The following SENP2 variants were observed in gnomAD, a reference collection of about 807,000 sequenced individuals.
SENP2 encodes the protein sentrin-specific protease 2.
SENP2 carries 16 observed loss-of-function variants against 86.3 expected under a neutral mutation model. The ratio of observed to expected loss-of-function variants is 0.19; its 90% confidence interval spans 0.13 to 0.28. SENP2 has a LOEUF of 0.28. Ranked by LOEUF, SENP2 falls within the 10% of genes least tolerant of loss-of-function variation. The pLI, the probability that SENP2 is intolerant of heterozygous loss-of-function variation, is 1.00. For synonymous variants in SENP2, 222 were observed against 238.7 expected, an observed-to-expected ratio of 0.93 and a Z score of 0.64; for missense variants, 552 against 703.0, an observed-to-expected ratio of 0.79 and a Z score of 2.43.
intron 5 of SENP2, 66 bp from the exon 6 acceptor site, chr3:185,606,264 G>T: frequency 7.0e-7 from 1 of 1,430,000 alleles, no homozygotes; most frequent in Non-Finnish European, 9.5e-7. Context: ...GATGGTCTGG[G>T]AGCTTAGATT....
rs139652446 is a variant in SENP2, at chr3:185,626,303, T to A, written c.1617T>A (p.Ile539=). 1 of 1,605,208 alleles carries A rather than the reference T, an allele frequency of 6.2e-7. No individual in the cohort carries two copies. Among genetic ancestry groups the A allele is most frequent in the African/African-American group, 1.3e-5 (1 of 74,808 alleles). The change falls in exon 16 of 17, where the codon ATT becomes ATA. Residue 539 remains isoleucine, a synonymous_variant. Transcript: ENST00000296257. The part of the protein sequence containing the change: ...WTHHSMKPHE[I]PQQLNGSDCG... The stretch of plus-strand genomic sequence containing the variant: ...TTTTTTCTTTGTAATTTTAGGAGAT[T>A]CCTCAACAGCTGAATGGGAGTGATT...
intron 9 of SENP2, 56 bp downstream of exon 9, chr3:185,612,714 T>C (rs765989907): frequency 1.7e-4 from 216 of 1,283,886 alleles, no homozygotes; most frequent in Non-Finnish European, 2.4e-4. Flanking sequence ...TCTTACTTTA[T>C]AAGCTGTATT....
chr3:185,614,425 G>C (rs1711524786), intron 10 of SENP2, 139 bp from the exon 11 acceptor site: 1 of 827,926 alleles, frequency 1.2e-6, no homozygotes, highest in Admixed American at 3.0e-5. Flanking sequence ...CAGACAGATA[G>C]GGTAAATCTA....
intron 14 of SENP2, among the ~76,000 whole-genome samples, chr3:185,622,639 T>A (rs890773933): frequency 2.0e-5 from 3 of 152,126 alleles, no homozygotes; most frequent in Non-Finnish European, 4.4e-5. Flanking sequence ...GTTTATAAAA[T>A]GGTTCTCTTC....
At chr3:185,617,398 CT>C in intron 11 of SENP2, 81 bp from the exon 12 acceptor site, 1 of 1,270,306 alleles carries the variant, frequency 7.9e-7, no homozygotes, top group South Asian at 1.8e-5. Flanking sequence ...AGATGAAAAA[CT>C]TTTTTCAGTC....
Position 185,606,533 on chromosome 3 carries a change from T to C in SENP2, c.618+35T>C, listed in dbSNP as rs768354591. 5 of 1,512,084 alleles carry C rather than the reference T, an allele frequency of 3.3e-6. No homozygotes were observed. The East Asian group carries it at 1.2e-4, about 35-fold the overall frequency. The allele number at this position is 1,512,084 out of a possible 1,614,324, so 93.7% of individuals were successfully genotyped here. A position where few individuals can be genotyped will look rare whatever the true frequency, so the allele number is the denominator to read the frequency against. ...TTCAGCTTGATTTCTTTAAAAAAAA[T>C]TTTACAGCTCTTCCCAAGGATGCTG... On this transcript the variant is annotated intron_variant, in intron 6 of 16. Coordinates refer to ENST00000296257, the MANE Select transcript of SENP2 (RefSeq NM_021627.3).
At chr3:185,598,306 A>G (rs1722240267) in intron 2 of SENP2, 106 bp from the exon 3 acceptor site, 9 of 1,246,958 alleles carry the variant, frequency 7.2e-6, no homozygotes, top group Non-Finnish European at 1.0e-5. Context: ...ACACCCAGCA[A>G]ATAGAACTTT....
chr3:185,596,559 T>A (rs1722179648), intron 2 of SENP2, among the ~76,000 whole-genome samples: 1 of 151,062 alleles, frequency 6.6e-6, no homozygotes. Flanking sequence ...AGGTTGAGGC[T>A]GCAGTGAGTA....
intron 16 of SENP2, among the ~76,000 whole-genome samples, chr3:185,628,100 G>C (rs547540474): frequency 6.6e-6 from 1 of 152,036 alleles, no homozygotes; most frequent in South Asian, 2.1e-4. Flanking sequence ...AGACTTTTTA[G>C]CCCCCACCCC....
chr3:185,604,400 T>C (rs1278717667), intron 5 of SENP2, among the ~76,000 whole-genome samples: 1 of 152,380 alleles, frequency 6.6e-6, no homozygotes, highest in East Asian at 1.9e-4. Flanking sequence ...ATGCATATTC[T>C]GCTGTTGTTG....
chr3:185,614,551 A>AT lies in SENP2; in HGVS notation c.934-7dup, dbSNP rs767046125. ...CAAACATGTCAGTAGAATTTAGATAATTTTTTGATCAGAGGAGGGGATACC... is the reference window on the plus strand; with the variant it reads ...CAAACATGTCAGTAGAATTTAGATAATTTTTTTGATCAGAGGAGGGGATACC... On this transcript the variant is annotated splice_polypyrimidine_tract_variant and intron_variant, in intron 10 of 16. Coordinates refer to ENST00000296257, the MANE Select transcript of SENP2 (RefSeq NM_021627.3). 4 of 1,587,206 alleles carry AT rather than the reference A, an allele frequency of 2.5e-6. No homozygotes were observed. The highest frequency in any genetic ancestry group is 1.9e-5 in the Admixed American group (1 of 51,444).
intron 2 of SENP2, among the ~76,000 whole-genome samples, chr3:185,590,412 G>A (rs1463243366): frequency 6.6e-6 from 1 of 151,880 alleles, no homozygotes; most frequent in Non-Finnish European, 1.5e-5. Flanking sequence ...GCTTGCTGTG[G>A]TGGCAGGAGC....
chr3:185,626,889 A>G (rs1712170357), intron 16 of SENP2, among the ~76,000 whole-genome samples: 1 of 151,938 alleles, frequency 6.6e-6, no homozygotes, highest in Non-Finnish European at 1.5e-5. Context: ...CAGCCTGACC[A>G]ACATGGAGAA....
rs766556308 is a variant in SENP2, at chr3:185,632,224, G to GTTTTTTTTTTTTTTTT, written c.*2392_*2393insTTTTTTTTTTTTTTTT. 11 of 71,904 alleles carry GTTTTTTTTTTTTTTTT rather than the reference G, an allele frequency of 1.5e-4. 1 individual carries two copies. Among genetic ancestry groups the GTTTTTTTTTTTTTTTT allele is most frequent in the Non-Finnish European group, 2.3e-4 (8 of 34,114 alleles). 4.5% of individuals were successfully genotyped at this position (71,904 alleles called of 1,614,324 possible). A position where few individuals can be genotyped will look rare whatever the true frequency, so the allele number is the denominator to read the frequency against. ...CATTAAAGCCAGTGGTTTTTTTTTT[G>GTTTTTTTTTTTTTTTT]TTTTTTTTTTTTGTTTTTTTTTTTT... On this transcript the variant is annotated 3_prime_UTR_variant, in exon 17 of 17. Transcript: ENST00000296257.
At position 185,633,007 on chromosome 3, in the gene SENP2, G is replaced by C. The variant is rs550299384; in HGVS notation, c.*3163G>C. ...ATGGGGGTGGGAGGGAAACAGATTT[G>C]GGGCATATGGAAGATATTCTTGGGA... On this transcript the variant is annotated 3_prime_UTR_variant, in exon 17 of 17. Transcript: ENST00000296257. The C allele has an allele frequency of 6.6e-6, 1 of 152,292 alleles. No individual in the cohort carries two copies. Among genetic ancestry groups the C allele is most frequent in the South Asian group, 2.1e-4 (1 of 4,826 alleles). The allele number at this position is 152,292 out of a possible 1,614,324, so 9.4% of individuals were successfully genotyped here. A position where few individuals can be genotyped will look rare whatever the true frequency, so the allele number is the denominator to read the frequency against.
At chr3:185,598,347 A>G (rs372079903) in intron 2 of SENP2, 65 bp from the exon 3 acceptor site, 3 of 1,514,210 alleles carry the variant, frequency 2.0e-6, no homozygotes, top group East Asian at 2.3e-5. Context: ...TCTTTCCAAG[A>G]TATCATTTTA....
chr3:185,614,964 C>T (rs1229287585), intron 11 of SENP2, among the ~76,000 whole-genome samples: 2 of 152,010 alleles, frequency 1.3e-5, no homozygotes, highest in Non-Finnish European at 2.9e-5. Context: ...AATGGGGAGT[C>T]GACACAGTCA....
At chr3:185,605,571 C>T (rs1045798341) in intron 5 of SENP2, among the ~76,000 whole-genome samples, 3 of 151,820 alleles carry the variant, frequency 2.0e-5, no homozygotes, top group African/African-American at 7.3e-5. Flanking sequence ...CTACTTTATT[C>T]TGCAACAACT....
At chr3:185,612,955 C>A (rs765192759) in intron 9 of SENP2, among the ~76,000 whole-genome samples, 3 of 152,206 alleles carry the variant, frequency 2.0e-5, no homozygotes, top group Admixed American at 6.5e-5. Flanking sequence ...AGGATAGGAA[C>A]AGTAAAGGCA....
Sources: gnomAD v4.1 joint callset for allele counts (sites outside exome capture counted in the v4.1 genomes callset) on GRCh38, gnomAD v4.1.1 for gene constraint, MANE v1.5 for transcripts, NCBI Gene and HGNC (gene_info 2026-07-23, HGNC 2026-07-21) for gene names.